Variants in DYNC1LI1 observed in about 807,000 individuals in gnomAD.
DYNC1LI1 encodes cytoplasmic dynein 1 light intermediate chain 1.
Under a neutral mutation model 63.8 loss-of-function variants are expected in DYNC1LI1, and 19 were observed. The ratio of observed to expected loss-of-function variants is 0.30; its 90% confidence interval spans 0.21 to 0.44. The LOEUF is 0.44. Among genes scored for constraint, DYNC1LI1 ranks in the 20% least tolerant of loss-of-function variants. The pLI is 1.00. For synonymous variants in DYNC1LI1, 225 were observed against 232.3 expected (o/e 0.97, Z 0.28); for missense variants, 565 against 630.2 (o/e 0.90, Z 1.11).
In DYNC1LI1 at chr3:32,570,395, G is replaced by A; in HGVS notation, c.171C>T (p.Ser57=). 1 of 1,606,322 alleles carries A rather than the reference G, an allele frequency of 6.2e-7. No homozygotes were observed. The highest frequency in any genetic ancestry group is 8.5e-7 in the Non-Finnish European group (1 of 1,177,424). The change falls in exon 2 of 13, where the codon TCC becomes TCT. Residue 57 remains serine (S), a synonymous_variant. Transcript: ENST00000273130. ...NLWSCILSEV[S]TRSRSKLPAG... The stretch of plus-strand genomic sequence containing the variant: ...CAGGGAGCTTGGAGCGCGAGCGGGT[G>A]GAGACCTCGCTGAGGATGCAGGACC...
chr3:32,553,178 T>C (rs1698067416), intron 2 of DYNC1LI1, among the ~76,000 whole-genome samples: 2 of 151,862 alleles, frequency 1.3e-5, no homozygotes, highest in African/African-American at 2.4e-5. Context: ...TACAAAAAAA[T>C]AGAAAAATTG....
intron 2 of DYNC1LI1, among the ~76,000 whole-genome samples, chr3:32,556,675 G>A (rs1441351485): frequency 3.3e-5 from 5 of 152,034 alleles, no homozygotes; most frequent in Admixed American, 6.5e-5. Flanking sequence ...TTAAGTAATC[G>A]GGACTACAGG....
intron 7 of DYNC1LI1, among the ~76,000 whole-genome samples, chr3:32,533,945 C>T (rs545104756): frequency 2.1e-5 from 3 of 140,304 alleles, no homozygotes; most frequent in South Asian, 2.2e-4. Context: ...GGTGCGATTT[C>T]GGTTCACTGC....
chr3:32,533,360 CCAGCTACTTAGGAG>C (rs1187277236), intron 7 of DYNC1LI1, among the ~76,000 whole-genome samples: 1 of 152,032 alleles, frequency 6.6e-6, no homozygotes, highest in African/African-American at 2.4e-5. Context: ...ACCTGTAGTC[CCAGCTACTTAGGAG>C]GTTGAGACAG....
rs1170976154 is a variant in DYNC1LI1, at chr3:32,561,038, C to CA, written c.220+9307dup. ...AAAAAAAAAAAAAAAAAAAAACAAA[C>CA]AAAAAAAACACACACACACCAAAGA... On this transcript the variant is annotated intron_variant, in intron 2 of 12. Transcript: ENST00000273130. Among the ~76,000 whole-genome samples the CA allele has an allele frequency of 2.1e-4, 17 of 81,980 alleles. 1 individual carries two copies. Among genetic ancestry groups the CA allele is most frequent in the African/African-American group, 4.9e-4 (10 of 20,258 alleles). The allele number at this position is 81,980 out of a possible 152,430, so 53.8% of individuals were successfully genotyped here.
In DYNC1LI1 at chr3:32,526,039, A is replaced by G. The variant is rs1230960490; in HGVS notation, c.*760T>C. The G allele has an allele frequency of 1.3e-5, 2 of 152,248 alleles. No individual in the cohort carries two copies. Among genetic ancestry groups the G allele is most frequent in the African/African-American group, 2.4e-5 (1 of 41,192 alleles). 9.4% of individuals were successfully genotyped at this position (152,248 alleles called of 1,614,324 possible). ...TTACAGTTGAAAGTCACAAACAAAA[A>G]AGGGGGTATATTAAGGCAAAGCCAT... On this transcript the variant is annotated 3_prime_UTR_variant, in exon 13 of 13. Coordinates refer to ENST00000273130, the MANE Select transcript of DYNC1LI1 (RefSeq NM_016141.4).
chr3:32,570,821 T>TGAGGAG lies in DYNC1LI1; in HGVS notation c.-52_-51insCTCCTC, dbSNP rs772328561. ...GGCAAGACTAAATGTGCGAGGCGGC[T>TGAGGAG]GAGGCGGTGGCGGTGGAGGCGGCGG... On this transcript the variant is annotated 5_prime_UTR_variant, in exon 1 of 13. Coordinates refer to ENST00000273130, the MANE Select transcript of DYNC1LI1 (RefSeq NM_016141.4). 9.1e-6 allele frequency: 14 copies of TGAGGAG among 1,538,894 alleles called. No homozygotes were observed. The highest frequency in any genetic ancestry group is 1.2e-5 in the Non-Finnish European group (14 of 1,136,434).
intron 2 of DYNC1LI1, among the ~76,000 whole-genome samples, chr3:32,567,828 C>G (rs987567966): frequency 6.6e-6 from 1 of 151,888 alleles, no homozygotes; most frequent in African/African-American, 2.4e-5. Context: ...CTCAGCCTCC[C>G]GAGTAACTGG....
At chr3:32,545,635 G>C in intron 3 of DYNC1LI1, 1 of 525,348 alleles carries the variant, frequency 1.9e-6, no homozygotes, top group Non-Finnish European at 3.3e-6. Flanking sequence ...AGAAGTATCT[G>C]CACACCAGGA....
intron 2 of DYNC1LI1, among the ~76,000 whole-genome samples, chr3:32,551,244 G>A (rs1698034495): frequency 6.6e-6 from 1 of 152,192 alleles, no homozygotes; most frequent in Admixed American, 6.5e-5. Context: ...AGTCTTTGCA[G>A]AAAAGGTAAC....
In DYNC1LI1 at chr3:32,526,767, GAA is replaced by G; in HGVS notation, c.*30_*31del. On this transcript the variant is annotated 3_prime_UTR_variant, in exon 13 of 13. Transcript: ENST00000273130. ...GCAGAGGCATGTTTACATTATCCCA[GAA>G]AACAGAATAAATGGCTTTATTTGGT... 1 of 1,515,716 alleles carries G rather than the reference GAA, an allele frequency of 6.6e-7. No individual in the cohort carries two copies. Among genetic ancestry groups the G allele is most frequent in the Non-Finnish European group, 9.1e-7 (1 of 1,093,734 alleles). 93.9% of individuals were successfully genotyped at this position (1,515,716 alleles called of 1,614,324 possible). A position where few individuals can be genotyped will look rare whatever the true frequency, so the allele number is the denominator to read the frequency against.
intron 8 of DYNC1LI1, chr3:32,532,740 C>T: frequency 2.2e-6 from 1 of 463,128 alleles, no homozygotes. Flanking sequence ...AATGTGGATT[C>T]TGCACTAACA....
chr3:32,550,643 T>C (rs1698023493), intron 2 of DYNC1LI1, among the ~76,000 whole-genome samples: 1 of 152,214 alleles, frequency 6.6e-6, no homozygotes, highest in African/African-American at 2.4e-5. Flanking sequence ...TTCTAACTAT[T>C]AGAACTATCA....
chr3:32,535,812 C>T (rs905668037), intron 6 of DYNC1LI1, among the ~76,000 whole-genome samples: 1 of 152,126 alleles, frequency 6.6e-6, no homozygotes, highest in East Asian at 1.9e-4. Flanking sequence ...CTTTTAAAAT[C>T]AACTGGCTCT....
chr3:32,527,978 A>T (rs1697643269), intron 12 of DYNC1LI1, among the ~76,000 whole-genome samples: 1 of 151,662 alleles, frequency 6.6e-6, no homozygotes. Flanking sequence ...AAAATTAGCC[A>T]GGCATGGTGG....
At chr3:32,527,625 C>A (rs1052926446) in intron 12 of DYNC1LI1, among the ~76,000 whole-genome samples, 2 of 151,978 alleles carry the variant, frequency 1.3e-5, no homozygotes, top group African/African-American at 4.8e-5. Context: ...TTTGTTTAAA[C>A]CGAGTTACTA....
chr3:32,529,778 C>T, intron 10 of DYNC1LI1, 118 bp from the exon 11 acceptor site: 1 of 847,454 alleles, frequency 1.2e-6, no homozygotes. Context: ...TACTTTTACA[C>T]TGCAAGCCAT....
Position 32,541,216 on chromosome 3 carries a change from A to G in DYNC1LI1, c.569-10T>C, listed in dbSNP as rs759980551. The G allele has an allele frequency of 5.1e-6, 8 of 1,557,230 alleles. No individual in the cohort carries two copies. The East Asian group carries it at 1.6e-4, about 31-fold the overall frequency. On this transcript the variant is annotated splice_polypyrimidine_tract_variant and intron_variant, in intron 4 of 12. Transcript: ENST00000273130. ...TGGAAGTCTCTAATCACTGAAAATCAAAGTAAACACAATTTAGAAATTGCT... is the reference window on the plus strand; with the variant it reads ...TGGAAGTCTCTAATCACTGAAAATCGAAGTAAACACAATTTAGAAATTGCT...
Position 32,530,279 on chromosome 3 carries a change from C to G in DYNC1LI1, c.1185+5G>C, listed in dbSNP as rs1212966352. The G allele has an allele frequency of 1.9e-6, 3 of 1,598,978 alleles. No homozygotes were observed. Among genetic ancestry groups the G allele is most frequent in the Non-Finnish European group, 2.6e-6 (3 of 1,176,040 alleles). The stretch of plus-strand genomic sequence containing the variant: ...AATCATTTTGTCAAAATTTGTAATA[C>G]TGACCACAGGCCTTCCAGCTGCAGT... On this transcript the variant is annotated splice_donor_5th_base_variant and intron_variant, in intron 10 of 12. Coordinates refer to ENST00000273130, the MANE Select transcript of DYNC1LI1 (RefSeq NM_016141.4).
Sources: gnomAD v4.1 joint callset for allele counts (sites outside exome capture counted in the v4.1 genomes callset) on GRCh38, gnomAD v4.1.1 for gene constraint, MANE v1.5 for transcripts, NCBI Gene and HGNC (gene_info 2026-07-23, HGNC 2026-07-21) for gene names.